MME: variants seen among roughly 807,000 people sequenced by gnomAD.
MME encodes the protein membrane metalloendopeptidase.
MME carries 98 observed loss-of-function variants against 113.2 expected under a neutral mutation model. The observed-to-expected ratio is 0.87, with a 90% confidence interval of 0.74 to 1.02. MME has a LOEUF of 1.02. MME is among the 50% of genes least tolerant of loss of function. The probability of loss-of-function intolerance (pLI) is 0.00; values close to 1 mark genes in which losing one functional copy is unlikely to be tolerated. For missense variants in MME, 836 were observed against 896.0 expected (o/e 0.93, Z 0.86); for synonymous variants, 292 against 300.6 (o/e 0.97, Z 0.30).
rs779557823 is a variant in MME at position 155,138,087 on chromosome 3, AT to A, written c.721-8del. 1.3e-5 allele frequency: 21 copies of A among 1,613,320 alleles called. No homozygotes were observed. The highest frequency in any genetic ancestry group is 1.8e-5 in the Non-Finnish European group (21 of 1,179,498). ...AGAGCTACTCCAACAGTTTAGTGCTATTTTTTTCTTGCAGGCTTGTACAGCA... is the reference window on the plus strand; with the variant it reads ...AGAGCTACTCCAACAGTTTAGTGCTATTTTTTCTTGCAGGCTTGTACAGCA... On this transcript the variant is annotated splice_polypyrimidine_tract_variant and intron_variant, in intron 8 of 22. Coordinates refer to ENST00000360490, the MANE Select transcript of MME (RefSeq NM_007289.4).
chr3:155,094,345 C>G (rs1385108969), intron 3 of MME, among the ~76,000 whole-genome samples: 3 of 152,150 alleles, frequency 2.0e-5, no homozygotes, highest in African/African-American at 4.8e-5. Flanking sequence ...TTGAAAGTGT[C>G]TCATTTTACA....
chr3:155,085,089 A>T lies in MME; in HGVS notation c.191A>T (p.Lys64Ile). 1.3e-6 allele frequency: 2 copies of T among 1,584,006 alleles called. No homozygotes were observed. Among genetic ancestry groups the T allele is most frequent in the Non-Finnish European group, 1.7e-6 (2 of 1,156,574 alleles). Reference protein sequence around the residue: ...DGICKSSDCIKSAARLIQNMD... With the variant: ...DGICKSSDCIISAARLIQNMD... ...ATTTGCAAGTCATCAGACTGCATAA[A>T]ATCAGGTAAGAAATGGTTTTTACGT... Residue 64 changes from lysine (K) to isoleucine (I), a missense_variant, in exon 3 of 23, where the codon AAA becomes ATA. Coordinates refer to ENST00000360490, the MANE Select transcript of MME (RefSeq NM_007289.4).
chr3:155,086,203 T>C (rs567214222), intron 3 of MME, among the ~76,000 whole-genome samples: 1 of 151,906 alleles, frequency 6.6e-6, no homozygotes, highest in East Asian at 1.9e-4. Context: ...GGAGGGAGAA[T>C]TGGGTGACTC....
intron 3 of MME, among the ~76,000 whole-genome samples, chr3:155,092,658 T>C (rs564311129): frequency 2.0e-5 from 3 of 152,124 alleles, no homozygotes; most frequent in Non-Finnish European, 4.4e-5. Context: ...TAAACTACGA[T>C]ACCACACAGC....
rs529804590 is a variant in MME at position 155,103,024 on chromosome 3, A to G, written c.197-11970A>G. 1.4e-4 allele frequency among the ~76,000 whole-genome samples: 21 copies of G among 152,274 alleles called. No individual in the cohort carries two copies. The East Asian group carries it at 3.3e-3, about 24-fold the overall frequency. On this transcript the variant is annotated intron_variant, in intron 3 of 22. Transcript: ENST00000360490. The stretch of plus-strand genomic sequence containing the variant: ...GACTCAAATATTTGTTGAATGGCCA[A>G]CGGAATGAATGAATTGCCCTCTCTC...
chr3:155,109,985 T>TA (rs1329931972), intron 3 of MME, among the ~76,000 whole-genome samples: 1 of 152,192 alleles, frequency 6.6e-6, no homozygotes, highest in East Asian at 1.9e-4. Context: ...TACTCCACTA[T>TA]AAAAAATTCA....
chr3:155,062,639 C>T (rs1481604381), intron 1 of MME, among the ~76,000 whole-genome samples: 1 of 151,902 alleles, frequency 6.6e-6, no homozygotes, highest in African/African-American at 2.4e-5. Context: ...GGCAATAGAA[C>T]CAGGCAAGTA....
chr3:155,041,036 C>T (rs1429009792), intron 1 of MME, among the ~76,000 whole-genome samples: 1 of 152,116 alleles, frequency 6.6e-6, no homozygotes, highest in East Asian at 1.9e-4. Flanking sequence ...CCTCAGGACT[C>T]TCCCACACAA....
At chr3:155,179,031 T>C (rs1161276458) in intron 22 of MME, among the ~76,000 whole-genome samples, 3 of 152,122 alleles carry the variant, frequency 2.0e-5, no homozygotes, top group Non-Finnish European at 2.9e-5. Context: ...TTGATAGGGA[T>C]AGTCCCTGTA....
intron 17 of MME, among the ~76,000 whole-genome samples, chr3:155,165,524 G>A (rs1045967380): frequency 6.6e-6 from 1 of 152,076 alleles, no homozygotes; most frequent in African/African-American, 2.4e-5. Flanking sequence ...TAGCTAGAGA[G>A]CAATGGTAAG....
chr3:155,167,416 A>G (rs1016091319), intron 18 of MME, among the ~76,000 whole-genome samples: 4 of 151,992 alleles, frequency 2.6e-5, no homozygotes, highest in Non-Finnish European at 5.9e-5. Context: ...CCAAGAGCTC[A>G]AAAGACTCTT....
intron 3 of MME, among the ~76,000 whole-genome samples, chr3:155,096,072 T>C (rs1333150329): frequency 1.3e-5 from 2 of 152,136 alleles, no homozygotes; most frequent in African/African-American, 2.4e-5. Context: ...TAGGACCTAC[T>C]AGTGGTTCAT....
rs114308087 is a variant in MME at position 155,042,660 on chromosome 3, C to T, written c.-11+18336C>T. The stretch of plus-strand genomic sequence containing the variant: ...AATGTATCTATTTTTTCATGCCCTC[C>T]CCACCATTGGATGTTAACAAATGTT... On this transcript the variant is annotated intron_variant, in intron 1 of 22. Coordinates refer to the MME transcript ENST00000492661. 5.4e-3 allele frequency among the ~76,000 whole-genome samples: 817 copies of T among 151,750 alleles called. 4 individuals are homozygous for T. The highest frequency in any genetic ancestry group is 0.019 in the African/African-American group (790 of 41,404).
intron 16 of MME, among the ~76,000 whole-genome samples, chr3:155,148,959 A>G (rs1721726103): frequency 6.6e-6 from 1 of 152,130 alleles, no homozygotes; most frequent in Admixed American, 6.6e-5. Context: ...TAGCTTAAGT[A>G]AGCCAATTCA....
chr3:155,177,075 G>C (rs1712615385), intron 22 of MME, among the ~76,000 whole-genome samples: 1 of 151,906 alleles, frequency 6.6e-6, no homozygotes, highest in African/African-American at 2.4e-5. Flanking sequence ...TTTGTTTGTT[G>C]TTTTAACTTA....
At chr3:155,106,900 T>C (rs1717734458) in intron 3 of MME, among the ~76,000 whole-genome samples, 1 of 152,212 alleles carries the variant, frequency 6.6e-6, no homozygotes, top group Non-Finnish European at 1.5e-5. Context: ...TGGACAATTC[T>C]AGAACAGTTA....
chr3:155,063,194 TA>T (rs1385630709), intron 1 of MME, among the ~76,000 whole-genome samples: 14 of 127,416 alleles, frequency 1.1e-4, no homozygotes, highest in Admixed American at 2.8e-4. Flanking sequence ...TAATATATAT[TA>T]TTTATATATT....
intron 1 of MME, among the ~76,000 whole-genome samples, chr3:155,063,995 G>GA (rs1714299531): frequency 6.6e-6 from 1 of 151,762 alleles, no homozygotes; most frequent in African/African-American, 2.4e-5. Flanking sequence ...ATCCTCATAA[G>GA]AAGTGAAAGA....
rs770973407 is a variant in MME at position 155,142,197 on chromosome 3, T to C, written c.1095-40T>C. On this transcript the variant is annotated intron_variant, in intron 11 of 22. Transcript: ENST00000360490. ...ATCACTCTTCAGAAGCTTTGCAGCC[T>C]CATCTTTTCTGTTGCTGGGCGGTGG... is the stretch of plus-strand genomic sequence containing the variant. 1.8e-5 allele frequency: 29 copies of C among 1,612,296 alleles called. No individual in the cohort carries two copies. The Admixed American group carries it at 4.0e-4, about 22-fold the overall frequency.
Sources: allele counts gnomAD v4.1 joint callset (sites outside exome capture counted in the v4.1 genomes callset), GRCh38; gene constraint gnomAD v4.1.1; transcripts MANE v1.5; gene names NCBI Gene and HGNC (gene_info 2026-07-23, HGNC 2026-07-21).